The following ANXA3 variants were observed in gnomAD, a reference collection of about 807,000 sequenced individuals.
ANXA3 encodes the protein 35-alpha calcimedin.
ANXA3 carries 46 observed loss-of-function variants against 48.8 expected under a neutral mutation model. That is an observed-to-expected ratio of 0.94 (90% CI 0.74 to 1.21). The LOEUF is 1.21. Among genes scored for constraint, ANXA3 ranks in the 50% most tolerant of loss-of-function variants. The pLI is 0.00. For synonymous variants in ANXA3, 128 were observed against 134.7 expected, an observed-to-expected ratio of 0.95 and a Z score of 0.35; for missense variants, 383 against 378.6, an observed-to-expected ratio of 1.01 and a Z score of -0.10.
At chr4:78,563,196 A>G (rs1578391278) in intron 2 of ANXA3, among the ~76,000 whole-genome samples, 1 of 152,206 alleles carries the variant, frequency 6.6e-6, no homozygotes, top group Non-Finnish European at 1.5e-5. Context: ...TGCATTTACC[A>G]TCATGTCCAG....
intron 2 of ANXA3, among the ~76,000 whole-genome samples, chr4:78,558,164 A>G (rs1008371252): frequency 2.6e-5 from 4 of 152,258 alleles, no homozygotes; most frequent in Non-Finnish European, 5.9e-5. Context: ...GTATGATTTC[A>G]TTGATAAGAG....
intron 2 of ANXA3, among the ~76,000 whole-genome samples, chr4:78,558,545 T>C (rs1722564107): frequency 6.6e-6 from 1 of 152,242 alleles, no homozygotes; most frequent in African/African-American, 2.4e-5. Flanking sequence ...TACAGTGGTA[T>C]GATCAAGGGA....
At chr4:78,604,875 C>T (rs1292728653) in intron 12 of ANXA3, among the ~76,000 whole-genome samples, 2 of 151,996 alleles carry the variant, frequency 1.3e-5, no homozygotes. Context: ...ATATTTGTAC[C>T]CACCACAACA....
At position 78,591,558 on chromosome 4, in the gene ANXA3, C is replaced by T; in HGVS notation, c.418C>T (p.Leu140Phe). The T allele has an allele frequency of 1.9e-6, 3 of 1,612,656 alleles. No individual in the cohort carries two copies. The highest frequency in any genetic ancestry group is 2.5e-6 in the Non-Finnish European group (3 of 1,178,810). Residue 140 changes from leucine (L) to phenylalanine (F), a missense_variant, in exon 7 of 13, where the codon CTT (leucine) becomes TTT (phenylalanine). Leu to Phe is a conservative substitution (Grantham distance 22, BLOSUM62 0). Transcript: ENST00000264908. Reference protein sequence around the residue: ...QAYYTVYKKSLGDDISSETSG... With the variant: ...QAYYTVYKKSFGDDISSETSG... ...TTTGGTTTCAGTATACAAGAAGAGT[C>T]TTGGAGATGACATTAGTTCCGAAAC... is the stretch of plus-strand genomic sequence containing the variant.
chr4:78,569,800 A>G (rs1192366869), intron 2 of ANXA3, among the ~76,000 whole-genome samples: 1 of 152,150 alleles, frequency 6.6e-6, no homozygotes, highest in Non-Finnish European at 1.5e-5. Context: ...GACATAGAGC[A>G]GGGGGCATTT....
At chr4:78,578,280 C>A (rs1012403290) in intron 3 of ANXA3, among the ~76,000 whole-genome samples, 1 of 92,392 alleles carries the variant, frequency 1.1e-5, no homozygotes, top group Non-Finnish European at 2.2e-5. Flanking sequence ...AGAGAAAGGG[C>A]GAAGGGGAGA....
At chr4:78,604,588 C>T (rs1723610292) in intron 12 of ANXA3, among the ~76,000 whole-genome samples, 189 bp downstream of exon 12, 1 of 152,122 alleles carries the variant, frequency 6.6e-6, no homozygotes, top group East Asian at 1.9e-4. Context: ...AAATCCCAGG[C>T]ATATAATAGA....
rs28629444 is a variant in ANXA3 at position 78,606,483 on chromosome 4, A to G, written c.912+2084A>G. On this transcript the variant is annotated intron_variant, in intron 12 of 12. Transcript: ENST00000264908. ...GCACTACCTCTGTGGGGGAGCTTAC[A>G]CTCAGCGATGTCCCCTGGGGACACC... 4.5e-3 allele frequency among the ~76,000 whole-genome samples: 691 copies of G among 152,162 alleles called. 3 individuals carry two copies. Among genetic ancestry groups the G allele is most frequent in the African/African-American group, 0.016 (656 of 41,504 alleles).
At chr4:78,584,377 A>G (rs929662466) in intron 5 of ANXA3, among the ~76,000 whole-genome samples, 1 of 151,806 alleles carries the variant, frequency 6.6e-6, no homozygotes, top group South Asian at 2.1e-4. Flanking sequence ...GGGTCTTGCT[A>G]TGTCACCCAG....
intron 2 of ANXA3, among the ~76,000 whole-genome samples, chr4:78,562,422 A>T (rs1028633753): frequency 2.0e-5 from 3 of 152,224 alleles, no homozygotes; most frequent in Non-Finnish European, 4.4e-5. Context: ...TTTAAATAGG[A>T]GTAGTGACAG....
intron 2 of ANXA3, among the ~76,000 whole-genome samples, chr4:78,564,608 CGAGAGGTATT>C (rs1473129601): frequency 1.3e-5 from 2 of 152,098 alleles, no homozygotes; most frequent in African/African-American, 4.8e-5. Context: ...ATATAAACAG[CGAGAGGTATT>C]ACTCAATGCT....
chr4:78,591,263 T>C (rs1390594983), intron 6 of ANXA3, among the ~76,000 whole-genome samples: 1 of 152,224 alleles, frequency 6.6e-6, no homozygotes, highest in Non-Finnish European at 1.5e-5. Flanking sequence ...GCTTTTCCAC[T>C]ATGCATCCCT....
chr4:78,604,340 T>C lies in ANXA3; in HGVS notation c.853T>C (p.Leu285=). 6.2e-7 allele frequency: 1 copy of C among 1,613,476 alleles called. No individual in the cohort carries two copies. Among genetic ancestry groups the C allele is most frequent in the African/African-American group, 1.3e-5 (1 of 75,030 alleles). Residue 285 remains leucine, a synonymous_variant, in exon 12 of 13, where the codon TTG becomes CTG. Coordinates refer to ENST00000264908, the MANE Select transcript of ANXA3 (RefSeq NM_005139.3). ...GGTGTCCAGATCAGAAATTGACCTTTTGGACATTCGAACAGAGTTCAAGAA... is the reference window on the plus strand; with the variant it reads ...GGTGTCCAGATCAGAAATTGACCTTCTGGACATTCGAACAGAGTTCAAGAA... ...IMVSRSEIDL[L]DIRTEFKKHY...
chr4:78,570,253 A>G (rs1437631963), intron 2 of ANXA3, among the ~76,000 whole-genome samples: 2 of 152,196 alleles, frequency 1.3e-5, no homozygotes, highest in African/African-American at 2.4e-5. Context: ...ACTAAATTGC[A>G]TAATAAATTG....
chr4:78,595,535 C>CTTT, intron 8 of ANXA3, 98 bp downstream of exon 8: 1 of 1,247,796 alleles, frequency 8.0e-7, no homozygotes, highest in African/African-American at 1.9e-5. Context: ...GCAACAGGGA[C>CTTT]TTTTCTTTTT....
chr4:78,609,946 C>A, intron 12 of ANXA3, 110 bp from the exon 13 acceptor site: 1 of 662,230 alleles, frequency 1.5e-6, no homozygotes, highest in Non-Finnish European at 2.6e-6. Context: ...AATGGTATAG[C>A]TCATGAGTCT....
At chr4:78,589,879 G>A (rs1478431129) in intron 6 of ANXA3, among the ~76,000 whole-genome samples, 3 of 152,100 alleles carry the variant, frequency 2.0e-5, no homozygotes, top group Non-Finnish European at 4.4e-5. Context: ...ACTTTTTTCG[G>A]TATTCTAAAG....
chr4:78,553,596 G>A (rs963093049), intron 1 of ANXA3, among the ~76,000 whole-genome samples: 1 of 152,180 alleles, frequency 6.6e-6, no homozygotes, highest in Non-Finnish European at 1.5e-5. Flanking sequence ...CCCCTCATAA[G>A]TCAAAGAGCA....
chr4:78,571,907 C>T (rs546000095), intron 2 of ANXA3, among the ~76,000 whole-genome samples: 14 of 152,288 alleles, frequency 9.2e-5, no homozygotes, highest in South Asian at 2.1e-4. Context: ...GTCAGTAGAG[C>T]TTTTAGAAGG....
Sources: allele counts gnomAD v4.1 joint callset (sites outside exome capture counted in the v4.1 genomes callset), GRCh38; gene constraint gnomAD v4.1.1; transcripts MANE v1.5; gene names NCBI Gene and HGNC (gene_info 2026-07-23, HGNC 2026-07-21).